CLYBL: variants seen among roughly 807,000 people sequenced by gnomAD.
CLYBL encodes citramalyl-CoA lyase.
In CLYBL, 31 loss-of-function variants were observed where a neutral mutation model predicts 38.9. That is an observed-to-expected ratio of 0.80 (90% confidence interval 0.60 to 1.08). CLYBL has a LOEUF of 1.08. Among genes scored for constraint, CLYBL ranks in the 50% least tolerant of loss-of-function variants. The pLI is 0.00. For missense variants in CLYBL, 434 were observed against 411.6 expected, an observed-to-expected ratio of 1.05 and a Z score of -0.47; for synonymous variants, 171 against 158.6, an observed-to-expected ratio of 1.08 and a Z score of -0.59.
chr13:99,744,275 C>G (rs1434812197), intron 1 of CLYBL, among the ~76,000 whole-genome samples: 1 of 152,196 alleles, frequency 6.6e-6, no homozygotes, highest in African/African-American at 2.4e-5. Flanking sequence ...CCCAGCTACA[C>G]TCCACTTTCT....
chr13:99,747,410 C>G (rs2048872491), intron 1 of CLYBL, among the ~76,000 whole-genome samples: 1 of 151,922 alleles, frequency 6.6e-6, no homozygotes, highest in African/African-American at 2.4e-5. Context: ...CTGATTTAGG[C>G]CAACTCTTTC....
chr13:99,654,015 G>A (rs1242233095), intron 1 of CLYBL, among the ~76,000 whole-genome samples: 1 of 152,120 alleles, frequency 6.6e-6, no homozygotes, highest in Non-Finnish European at 1.5e-5. Context: ...GAGGTCTCAG[G>A]CTCCTTTAGC....
chr13:99,626,896 A>G lies in CLYBL; in HGVS notation c.62+20139A>G, dbSNP rs1208000293. Among the ~76,000 whole-genome samples, 5 of 151,276 alleles carry G rather than the reference A, an allele frequency of 3.3e-5. No individual in the cohort carries two copies. The East Asian group carries it at 5.8e-4, about 18-fold the overall frequency. ...AGAGCTTCAGTTACAAAGAATTTATATATTTCGGGACTAATAAACTGGCTC... is the reference window on the plus strand; with the variant it reads ...AGAGCTTCAGTTACAAAGAATTTATGTATTTCGGGACTAATAAACTGGCTC... On this transcript the variant is annotated intron_variant, in intron 1 of 8. Transcript: ENST00000339105.
intron 2 of CLYBL, among the ~76,000 whole-genome samples, chr13:99,817,440 C>A (rs537841380): frequency 6.6e-6 from 1 of 151,880 alleles, no homozygotes. Flanking sequence ...GGGCGGATCA[C>A]GAGGTCAGGA....
intron 1 of CLYBL, among the ~76,000 whole-genome samples, chr13:99,704,438 A>G (rs375764904): frequency 1.3e-5 from 2 of 152,344 alleles, no homozygotes; most frequent in African/African-American, 4.8e-5. Flanking sequence ...CAGTTGCCAT[A>G]GGTTGATTTC....
At chr13:99,766,521 T>C (rs1404095513) in intron 1 of CLYBL, among the ~76,000 whole-genome samples, 2 of 152,172 alleles carry the variant, frequency 1.3e-5, no homozygotes, top group African/African-American at 4.8e-5. Context: ...TTAGAGTGAG[T>C]TGCTGGTTCC....
At chr13:99,640,931 A>G (rs931168067) in intron 1 of CLYBL, among the ~76,000 whole-genome samples, 21 of 152,252 alleles carry the variant, frequency 1.4e-4, no homozygotes, top group Admixed American at 1.2e-3. Flanking sequence ...CATTTCTGGA[A>G]AACATTCCCT....
At chr13:99,836,527 G>A (rs2050938480) in intron 2 of CLYBL, among the ~76,000 whole-genome samples, 2 of 152,246 alleles carry the variant, frequency 1.3e-5, no homozygotes, top group South Asian at 4.1e-4. Flanking sequence ...CATTGTCACA[G>A]TGTCTAGTAA....
chr13:99,606,792 C>T (rs1302527767), intron 1 of CLYBL, 35 bp downstream of exon 1: 12 of 1,355,148 alleles, frequency 8.9e-6, no homozygotes, highest in Non-Finnish European at 1.0e-5. Context: ...CCTTCCCGGC[C>T]CGGCTCGCCG....
At chr13:99,750,673 C>CAAA (rs374904118) in intron 1 of CLYBL, among the ~76,000 whole-genome samples, 17 of 86,150 alleles carry the variant, frequency 2.0e-4, no homozygotes, top group East Asian at 3.1e-4. Context: ...GACTCTGCCT[C>CAAA]AAAAAAAAAA....
At chr13:99,872,690 T>G (rs931694440) in intron 7 of CLYBL, among the ~76,000 whole-genome samples, 3 of 152,026 alleles carry the variant, frequency 2.0e-5, no homozygotes, top group Admixed American at 6.6e-5. Flanking sequence ...CCCAGCTGGG[T>G]TTCACATTGG....
At chr13:99,673,078 G>A (rs2047591115) in intron 1 of CLYBL, among the ~76,000 whole-genome samples, 1 of 152,112 alleles carries the variant, frequency 6.6e-6, no homozygotes, top group Admixed American at 6.5e-5. Flanking sequence ...AGTTGGTCAT[G>A]GAGAATTTTA....
downstream of CLYBL, among the ~76,000 whole-genome samples, chr13:99,899,701 A>G (rs2052620089): frequency 6.6e-6 from 1 of 152,158 alleles, no homozygotes; most frequent in African/African-American, 2.4e-5. Context: ...TAATTTTTTT[A>G]AAAGAATGAA....
chr13:99,614,704 C>T (rs539435294), intron 1 of CLYBL, among the ~76,000 whole-genome samples: 7 of 152,212 alleles, frequency 4.6e-5, no homozygotes, highest in South Asian at 2.1e-4. Context: ...AGAGTTTTAC[C>T]GTGGACCAGA....
At chr13:99,631,494 T>A (rs1278958175) in intron 1 of CLYBL, among the ~76,000 whole-genome samples, 1 of 152,158 alleles carries the variant, frequency 6.6e-6, no homozygotes, top group East Asian at 1.9e-4. Flanking sequence ...AGTCATACCA[T>A]AGTAATGACG....
At chr13:99,697,698 G>A (rs2048001028) in intron 1 of CLYBL, among the ~76,000 whole-genome samples, 1 of 142,864 alleles carries the variant, frequency 7.0e-6, no homozygotes, top group East Asian at 2.0e-4. Context: ...TCACTGTGTT[G>A]TGCAGTGGCT....
intron 2 of CLYBL, among the ~76,000 whole-genome samples, chr13:99,819,168 T>C (rs1326218460): frequency 6.6e-6 from 1 of 150,898 alleles, no homozygotes; most frequent in African/African-American, 2.4e-5. Context: ...CAACATAATA[T>C]CTCTACAAAA....
intron 1 of CLYBL, among the ~76,000 whole-genome samples, chr13:99,610,724 T>TA (rs1481723603): frequency 6.6e-6 from 1 of 152,204 alleles, no homozygotes; most frequent in Non-Finnish European, 1.5e-5. Flanking sequence ...TTAGCCGGTA[T>TA]ACAGCCCTGC....
intron 1 of CLYBL, among the ~76,000 whole-genome samples, chr13:99,723,527 A>G (rs1023414726): frequency 4.3e-4 from 66 of 152,226 alleles, no homozygotes; most frequent in African/African-American, 1.6e-3. Flanking sequence ...AACCAATCTG[A>G]AATTTAGATT....
Sources: allele counts gnomAD v4.1 joint callset (sites outside exome capture counted in the v4.1 genomes callset), GRCh38; gene constraint gnomAD v4.1.1; transcripts MANE v1.5; gene names NCBI Gene and HGNC (gene_info 2026-07-23, HGNC 2026-07-21).